Variants in LAMA1 observed in about 807,000 individuals in gnomAD.
LAMA1 encodes the protein laminin subunit alpha-1.
In LAMA1, 219 loss-of-function variants were observed where a neutral mutation model predicts 348.7. The ratio of observed to expected loss-of-function variants is 0.63; its 90% CI spans 0.56 to 0.70. LAMA1 has a LOEUF of 0.70. Ranked by LOEUF, LAMA1 falls within the 30% of genes least tolerant of loss-of-function variation. The pLI is 0.00. For synonymous variants in LAMA1, 1,487 were observed against 1,491.0 expected (o/e 1.00, Z 0.06); for missense variants, 3,744 against 3,888.0 (o/e 0.96, Z 0.99).
rs566942990 is a variant in LAMA1, at chr18:7,049,001, A to C, written c.768+77T>G. On this transcript the variant is annotated intron_variant, in intron 5 of 62. Coordinates refer to ENST00000389658, the MANE Select transcript of LAMA1 (RefSeq NM_005559.4). ...TCGGGGAAAGAACAACCAAAAAGGA[A>C]AGAAGAAAAATAATAGTTCCTTTAA... is the stretch of plus-strand genomic sequence containing the variant. 21 of 1,423,580 alleles carry C rather than the reference A, an allele frequency of 1.5e-5. No homozygotes were observed. The South Asian group carries it at 2.2e-4, about 15-fold the overall frequency. 88.2% of individuals were successfully genotyped at this position (1,423,580 alleles called of 1,614,324 possible).
chr18:7,073,407 C>T (rs186803251), intron 3 of LAMA1, among the ~76,000 whole-genome samples: 198 of 152,296 alleles, frequency 1.3e-3, no homozygotes, highest in Admixed American at 2.5e-3. Context: ...AACAACAACT[C>T]CCCATTCTCT....
At chr18:7,010,101 C>G in intron 26 of LAMA1, 99 bp downstream of exon 26, 1 of 1,384,218 alleles carries the variant, frequency 7.2e-7, no homozygotes, top group Non-Finnish European at 1.0e-6. Context: ...GCCACCGTAC[C>G]TGGCTGCTCA....
chr18:7,068,961 T>C (rs929489816), intron 3 of LAMA1, among the ~76,000 whole-genome samples: 2 of 152,194 alleles, frequency 1.3e-5, no homozygotes, highest in Non-Finnish European at 2.9e-5. Flanking sequence ...AATCTTTACT[T>C]TGATGCCAAA....
intron 60 of LAMA1, among the ~76,000 whole-genome samples, chr18:6,948,162 T>C (rs1018932719): frequency 1.3e-5 from 2 of 152,230 alleles, no homozygotes; most frequent in Middle Eastern, 3.2e-3. Context: ...TAGCACCCCA[T>C]GTCTGGCCTC....
intron 3 of LAMA1, among the ~76,000 whole-genome samples, chr18:7,075,969 A>G (rs796297471): frequency 1.4e-4 from 22 of 152,068 alleles, no homozygotes; most frequent in African/African-American, 5.1e-4. Context: ...CCATAATGCA[A>G]TTATTGACTC....
intron 3 of LAMA1, among the ~76,000 whole-genome samples, chr18:7,065,304 G>A (rs2058118472): frequency 6.6e-6 from 1 of 151,528 alleles, no homozygotes; most frequent in Non-Finnish European, 1.5e-5. Flanking sequence ...AGGGGTGTGG[G>A]GGAATTCTCT....
chr18:6,980,471 C>A (rs753564219), intron 42 of LAMA1, 50 bp downstream of exon 42: 1 of 1,161,306 alleles, frequency 8.6e-7, no homozygotes. Context: ...CTGAGTGATG[C>A]TTTTACAATG....
intron 19 of LAMA1, among the ~76,000 whole-genome samples, chr18:7,018,544 T>C (rs61655072): frequency 0.1 from 15,574 of 150,554 alleles, 1,400 homozygotes; most frequent in African/African-American, 0.25. Flanking sequence ...TACAGGCGCC[T>C]GCCACCACGC....
intron 29 of LAMA1, among the ~76,000 whole-genome samples, chr18:7,003,402 C>T (rs990328624): frequency 6.6e-6 from 1 of 152,012 alleles, no homozygotes; most frequent in Admixed American, 6.6e-5. Context: ...AGGTGCCCAC[C>T]ACCACAACCG....
At chr18:7,070,931 T>C (rs1362092431) in intron 3 of LAMA1, among the ~76,000 whole-genome samples, 1 of 145,804 alleles carries the variant, frequency 6.9e-6, no homozygotes, top group African/African-American at 2.5e-5. Flanking sequence ...ACACGTTAGG[T>C]AGCACCCAAT....
At chr18:7,034,361 T>C (rs1263208763) in intron 14 of LAMA1, 118 bp downstream of exon 14, 1 of 776,732 alleles carries the variant, frequency 1.3e-6, no homozygotes, top group South Asian at 1.5e-5. Flanking sequence ...CCAGATCCTG[T>C]AGCTGTGTCC....
chr18:7,083,440 C>A (rs1401715308), intron 1 of LAMA1, among the ~76,000 whole-genome samples: 1 of 151,982 alleles, frequency 6.6e-6, no homozygotes, highest in Non-Finnish European at 1.5e-5. Context: ...CTCGTCTCGG[C>A]CTCCCAAAGT....
chr18:6,994,081 T>C (rs908454759), intron 34 of LAMA1, among the ~76,000 whole-genome samples: 1 of 152,198 alleles, frequency 6.6e-6, no homozygotes, highest in South Asian at 2.1e-4. Context: ...AACCCAAATA[T>C]ACAGAATATA....
At chr18:7,109,594 C>T (rs977624551) in intron 1 of LAMA1, among the ~76,000 whole-genome samples, 4 of 152,072 alleles carry the variant, frequency 2.6e-5, no homozygotes, top group Non-Finnish European at 5.9e-5. Context: ...CAGTGGGAAA[C>T]GGGAGTACAT....
At position 6,977,852 on chromosome 18, in the gene LAMA1, C is replaced by A. The variant is rs758250392; in HGVS notation, c.6220G>T (p.Val2074Leu). Residue 2074 changes from valine (V) to leucine (L), a missense_variant, in exon 44 of 63, where the codon GTG (valine) becomes TTG (leucine). By Grantham distance (32) the Val-to-Leu change is conservative. Transcript: ENST00000389658. ...TLLAGRKVKD[V>L]EIQANLLFDR... is the part of the protein sequence containing the mutation. Reference sequence around the variant, plus strand: ...AACAAAAGGTTGGCTTGAATTTCCACGTCTTTGACTTTTCTTCCAGCCAAC... The same window carrying A: ...AACAAAAGGTTGGCTTGAATTTCCAAGTCTTTGACTTTTCTTCCAGCCAAC... 7.8e-5 allele frequency: 126 copies of A among 1,613,482 alleles called. No homozygotes were observed. The East Asian group carries it at 2.8e-3, about 36-fold the overall frequency.
At chr18:7,083,965 C>T (rs547746280) in intron 1 of LAMA1, among the ~76,000 whole-genome samples, 3 of 148,610 alleles carry the variant, frequency 2.0e-5, no homozygotes, top group East Asian at 4.3e-4. Flanking sequence ...TCCAGCTACT[C>T]GGGAGGCTGA....
chr18:7,048,934 G>T, intron 5 of LAMA1, 144 bp downstream of exon 5: 1 of 786,684 alleles, frequency 1.3e-6, no homozygotes, highest in East Asian at 2.7e-5. Context: ...AATCTTACAT[G>T]AAATAAGGAT....
chr18:7,028,110 A>G (rs570581005), intron 16 of LAMA1, among the ~76,000 whole-genome samples: 1 of 152,370 alleles, frequency 6.6e-6, no homozygotes, highest in East Asian at 1.9e-4. Flanking sequence ...CGGCTTCGAC[A>G]TTGTAGGAGA....
chr18:7,113,118 A>G (rs1254047366), intron 1 of LAMA1, among the ~76,000 whole-genome samples: 32 of 152,186 alleles, frequency 2.1e-4, no homozygotes, highest in Admixed American at 2.1e-3. Context: ...CATTGGCCCC[A>G]TGACAGGCAA....
Sources: gnomAD v4.1 joint callset for allele counts (sites outside exome capture counted in the v4.1 genomes callset) on GRCh38, gnomAD v4.1.1 for gene constraint, MANE v1.5 for transcripts, NCBI Gene and HGNC (gene_info 2026-07-23, HGNC 2026-07-21) for gene names.